COL5A2: variants seen among roughly 807,000 people sequenced by gnomAD.
The protein encoded by COL5A2 is collagen type V alpha 2 chain.
In COL5A2, 23 loss-of-function variants were observed where a neutral mutation model predicts 208.2. The observed-to-expected ratio is 0.11, with a 90% CI of 0.08 to 0.16. The LOEUF is 0.16. Among genes scored for constraint, COL5A2 ranks in the 10% least tolerant of loss-of-function variants. The probability of loss-of-function intolerance (pLI) is 1.00; values close to 1 mark genes in which losing one functional copy is unlikely to be tolerated. For synonymous variants in COL5A2, 625 were observed against 628.5 expected, an observed-to-expected ratio of 0.99 and a Z score of 0.08; for missense variants, 1,590 against 1,956.4, an observed-to-expected ratio of 0.81 and a Z score of 3.53.
the COL5A2 span, among the ~76,000 whole-genome samples, chr2:189,263,234 A>G: frequency 6.6e-6 from 1 of 152,086 alleles, no homozygotes; most frequent in Non-Finnish European, 1.5e-5. Context: ...CCCATCCTCC[A>G]CCACCAACCT....
the COL5A2 span, among the ~76,000 whole-genome samples, chr2:189,247,840 A>G: frequency 6.6e-6 from 1 of 152,150 alleles, no homozygotes; most frequent in South Asian, 2.1e-4. Context: ...TCAGCATCCC[A>G]AAGTGCTGGG....
chr2:189,281,449 G>A, the COL5A2 span, among the ~76,000 whole-genome samples: 6 of 152,250 alleles, frequency 3.9e-5, no homozygotes, highest in South Asian at 1.2e-3. Context: ...GCTTATATGA[G>A]TAATAGACTT....
chr2:189,337,175 A>ATTTTTTT, the COL5A2 span, among the ~76,000 whole-genome samples: 1 of 141,920 alleles, frequency 7.0e-6, no homozygotes. Context: ...TTTTGACATC[A>ATTTTTTT]TTTTTTTTTT....
chr2:189,056,818 G>A (rs567153603), intron 35 of COL5A2, 155 bp downstream of exon 35: 58 of 748,920 alleles, frequency 7.7e-5, no homozygotes, highest in East Asian at 3.9e-4. Context: ...TGAATAAACC[G>A]TGGTTGAATC....
At position 189,075,430 on chromosome 2, in the gene COL5A2, C is replaced by T. The variant is rs761072017; in HGVS notation, c.1067G>A (p.Arg356Gln). The T allele has an allele frequency of 6.2e-6, 10 of 1,605,778 alleles. No homozygotes were observed. The South Asian group carries it at 6.6e-5, about 11-fold the overall frequency. Residue 356 changes from arginine (R) to glutamine (Q), a missense_variant, in exon 17 of 54, where the codon CGA (arginine) becomes CAA (glutamine). Arg to Gln is a conservative substitution (Grantham distance 43). Coordinates refer to ENST00000374866, the MANE Select transcript of COL5A2 (RefSeq NM_000393.5). ...TTTTCCAGGCATACCATGTGCACCT[C>T]GTTGTCCCTAATTAAGAGAAAAAGA... ...RLGPQGAPGQRGAHGMPGKPG... is the reference protein window; with the variant it reads ...RLGPQGAPGQQGAHGMPGKPG...
the COL5A2 span, among the ~76,000 whole-genome samples, chr2:189,428,791 C>A: frequency 6.6e-6 from 1 of 152,134 alleles, no homozygotes; most frequent in Non-Finnish European, 1.5e-5. Flanking sequence ...AACCATGAGC[C>A]AATTAAACCT....
chr2:189,329,638 AT>A, the COL5A2 span, among the ~76,000 whole-genome samples: 9 of 152,304 alleles, frequency 5.9e-5, no homozygotes, highest in Non-Finnish European at 1.2e-4. Context: ...AGGAAAAAAA[AT>A]AAAGCGAATC....
the COL5A2 span, among the ~76,000 whole-genome samples, chr2:189,433,046 T>G: frequency 1.3e-5 from 2 of 152,168 alleles, no homozygotes; most frequent in African/African-American, 4.8e-5. Context: ...ACCGTGCAAC[T>G]ACATGGAAAT....
chr2:189,216,034 G>A (rs1484974754), intron 1 of COL5A2, among the ~76,000 whole-genome samples: 1 of 151,948 alleles, frequency 6.6e-6, no homozygotes, highest in Non-Finnish European at 1.5e-5. Flanking sequence ...AACTAAACAT[G>A]CTATTGGGCT....
chr2:189,079,082 A>G lies in COL5A2; in HGVS notation c.986T>C (p.Met329Thr), dbSNP rs1686476471. The G allele has an allele frequency of 6.2e-7, 1 of 1,613,044 alleles. No individual in the cohort carries two copies. ...ACATACCAGAGGACCCATGGCACCCATTGGACCAGTGGGGCCAGCTTCACC... is the reference window on the plus strand; with the variant it reads ...ACATACCAGAGGACCCATGGCACCCGTTGGACCAGTGGGGCCAGCTTCACC... ...SKGEAGPTGP[M>T]GAMGPLGPRG... Residue 329 changes from methionine to threonine, a missense_variant, in exon 15 of 54, where the codon ATG becomes ACG. Met to Thr is a moderately conservative substitution (Grantham distance 81, BLOSUM62 -1). Coordinates refer to ENST00000374866, the MANE Select transcript of COL5A2 (RefSeq NM_000393.5).
At chr2:189,324,177 T>C in the COL5A2 span, among the ~76,000 whole-genome samples, 1 of 152,148 alleles carries the variant, frequency 6.6e-6, no homozygotes, top group Non-Finnish European at 1.5e-5. Context: ...TCATTCAAGA[T>C]GGATTAAAGA....
chr2:189,279,459 A>G, the COL5A2 span, among the ~76,000 whole-genome samples: 1 of 151,720 alleles, frequency 6.6e-6, no homozygotes, highest in Admixed American at 6.6e-5. Flanking sequence ...TTGCATAGAT[A>G]GTTATAGATA....
chr2:189,267,714 C>T, the COL5A2 span, among the ~76,000 whole-genome samples: 176 of 152,094 alleles, frequency 1.2e-3, 1 homozygote, highest in East Asian at 0.012. Context: ...CCTACCAAGT[C>T]CAGAGTAAAT....
At chr2:189,130,769 A>G (rs985432190) in intron 1 of COL5A2, among the ~76,000 whole-genome samples, 6 of 152,044 alleles carry the variant, frequency 3.9e-5, no homozygotes, top group African/African-American at 1.4e-4. Context: ...CCTACCTTTT[A>G]CACAAGTGCC....
the COL5A2 span, among the ~76,000 whole-genome samples, chr2:189,386,741 T>A: frequency 6.6e-6 from 1 of 152,084 alleles, no homozygotes; most frequent in Non-Finnish European, 1.5e-5. Context: ...CATCACGAAC[T>A]ATCAGAGAAA....
the COL5A2 span, among the ~76,000 whole-genome samples, chr2:189,425,170 A>C: frequency 6.6e-6 from 1 of 152,234 alleles, no homozygotes; most frequent in Non-Finnish European, 1.5e-5. Context: ...CTTCTGTTAG[A>C]ATGACTATTA....
chr2:189,176,990 A>G (rs1198837161), intron 1 of COL5A2, among the ~76,000 whole-genome samples: 2 of 152,160 alleles, frequency 1.3e-5, no homozygotes. Flanking sequence ...ATTTACTTTT[A>G]TCTTCTCATT....
chr2:189,207,747 G>A lies in COL5A2; in HGVS notation c.-42+17401C>T, dbSNP rs562658121. Among the ~76,000 whole-genome samples, 3 of 152,162 alleles carry A rather than the reference G, an allele frequency of 2.0e-5. No individual in the cohort carries two copies. The South Asian group carries it at 6.2e-4, about 32-fold the overall frequency. On this transcript the variant is annotated intron_variant, in intron 1 of 10. Transcript: ENST00000649966. ...CAATCACTCTACTGAAAAGGATAAAGGATCCCCCTATGATCATTAATGAGG... is the reference window on the plus strand; with the variant it reads ...CAATCACTCTACTGAAAAGGATAAAAGATCCCCCTATGATCATTAATGAGG...
chr2:189,220,497 G>A (rs780957212), intron 1 of COL5A2, among the ~76,000 whole-genome samples: 4 of 150,366 alleles, frequency 2.7e-5, no homozygotes, highest in South Asian at 2.1e-4. Context: ...AAGTGCAAAT[G>A]TTCTTCCATG....
Sources: gnomAD v4.1 joint callset for allele counts (sites outside exome capture counted in the v4.1 genomes callset) on GRCh38, gnomAD v4.1.1 for gene constraint, MANE v1.5 for transcripts, NCBI Gene and HGNC (gene_info 2026-07-23, HGNC 2026-07-21) for gene names.